Variants in ZFAND3 observed in about 807,000 individuals in gnomAD.
ZFAND3 encodes AN1-type zinc finger protein 3.
ZFAND3 carries 10 observed loss-of-function variants against 29.6 expected under a neutral mutation model. That is an observed-to-expected ratio of 0.34 (90% CI 0.21 to 0.57). The LOEUF (loss-of-function observed/expected upper bound fraction) is 0.57. Among genes scored for constraint, ZFAND3 ranks in the 20% least tolerant of loss-of-function variants. The probability of loss-of-function intolerance (pLI) is 0.86; values close to 1 mark genes in which losing one functional copy is unlikely to be tolerated. For synonymous variants in ZFAND3, 128 were observed against 112.6 expected (o/e 1.14, Z -0.87); for missense variants, 230 against 304.5 (o/e 0.76, Z 1.82).
At chr6:37,828,940 A>G (rs963042442) in intron 1 of ZFAND3, among the ~76,000 whole-genome samples, 3 of 152,002 alleles carry the variant, frequency 2.0e-5, no homozygotes, top group Admixed American at 6.6e-5. Context: ...ATGAGCCACT[A>G]TGCCCGGCCT....
chr6:38,062,174 A>T (rs796747213), intron 3 of ZFAND3, among the ~76,000 whole-genome samples: 6 of 152,286 alleles, frequency 3.9e-5, no homozygotes, highest in African/African-American at 1.4e-4. Context: ...CCAGTAAGGG[A>T]TTCTAACCCT....
chr6:38,112,986 G>T (rs1258328240), intron 4 of ZFAND3, among the ~76,000 whole-genome samples: 1 of 152,090 alleles, frequency 6.6e-6, no homozygotes, highest in Non-Finnish European at 1.5e-5. Context: ...ACCTTCTTGG[G>T]CAATAGCTTG....
At chr6:37,858,589 C>G (rs943704861) in intron 1 of ZFAND3, among the ~76,000 whole-genome samples, 4 of 152,118 alleles carry the variant, frequency 2.6e-5, no homozygotes, top group Admixed American at 6.5e-5. Context: ...ACTGTTTCCA[C>G]CTATATGACT....
At chr6:37,873,425 T>C (rs1235288670) in intron 1 of ZFAND3, among the ~76,000 whole-genome samples, 1 of 152,234 alleles carries the variant, frequency 6.6e-6, no homozygotes, top group Non-Finnish European at 1.5e-5. Context: ...CTTGTTTGCT[T>C]GCTTGCTAGA....
intron 5 of ZFAND3, among the ~76,000 whole-genome samples, chr6:38,149,831 A>G (rs1477416094): frequency 6.6e-6 from 1 of 152,210 alleles, no homozygotes; most frequent in Admixed American, 6.5e-5. Flanking sequence ...AGCCAGCACC[A>G]TTCATCAGAA....
intron 1 of ZFAND3, among the ~76,000 whole-genome samples, chr6:37,844,046 C>T (rs1490072882): frequency 6.6e-6 from 1 of 151,918 alleles, no homozygotes; most frequent in African/African-American, 2.4e-5. Context: ...GCTTCCTGAG[C>T]AGCTGGGACC....
chr6:38,044,928 C>T (rs973185510), intron 2 of ZFAND3, among the ~76,000 whole-genome samples: 2 of 151,950 alleles, frequency 1.3e-5, no homozygotes, highest in East Asian at 3.8e-4. Flanking sequence ...GCCTCCAAAG[C>T]GTCTTCTGTT....
At chr6:38,005,260 C>T (rs774452178) in intron 2 of ZFAND3, among the ~76,000 whole-genome samples, 10 of 152,282 alleles carry the variant, frequency 6.6e-5, no homozygotes, top group Non-Finnish European at 1.2e-4. Flanking sequence ...TCTCACTCTG[C>T]AGATCTGTCG....
At chr6:38,147,580 T>TTCC (rs1002963358) in intron 5 of ZFAND3, among the ~76,000 whole-genome samples, 72 of 152,326 alleles carry the variant, frequency 4.7e-4, no homozygotes, top group African/African-American at 1.6e-3. Flanking sequence ...TATAGTGGCT[T>TTCC]TCCTAGTTGA....
intron 2 of ZFAND3, among the ~76,000 whole-genome samples, chr6:37,955,684 G>A (rs1025757878): frequency 6.6e-6 from 1 of 152,210 alleles, no homozygotes; most frequent in Non-Finnish European, 1.5e-5. Flanking sequence ...TGTACTCCAA[G>A]GAATCAGTGT....
At chr6:37,928,400 C>G (rs898628832) in intron 1 of ZFAND3, among the ~76,000 whole-genome samples, 17 of 152,156 alleles carry the variant, frequency 1.1e-4, no homozygotes, top group Non-Finnish European at 1.5e-5. Context: ...GTCAGCTTGC[C>G]TAACGTAGAG....
At chr6:37,867,834 A>G (rs1764616185) in intron 1 of ZFAND3, among the ~76,000 whole-genome samples, 1 of 152,218 alleles carries the variant, frequency 6.6e-6, no homozygotes, top group East Asian at 1.9e-4. Context: ...AGTGTACTAT[A>G]GTGAAAAAGT....
chr6:37,947,803 A>G lies in ZFAND3; in HGVS notation c.112+17804A>G, dbSNP rs144750533. On this transcript the variant is annotated intron_variant, in intron 2 of 5. Transcript: ENST00000287218. ...ATACCACCCTCTCCTATTCCCCCCA[A>G]CATATTTGTAGTGAAGTTTTGGTTA... Among the ~76,000 whole-genome samples the G allele has an allele frequency of 5.9e-3, 900 of 152,122 alleles. 5 individuals carry two copies. The highest frequency in any genetic ancestry group is 8.0e-3 in the Non-Finnish European group (547 of 67,974).
At chr6:37,980,452 C>T (rs1172750535) in intron 2 of ZFAND3, among the ~76,000 whole-genome samples, 2 of 152,126 alleles carry the variant, frequency 1.3e-5, no homozygotes, top group African/African-American at 4.8e-5. Context: ...AATTTGTTTT[C>T]CTGGTAACCA....
At chr6:37,852,717 C>CTT (rs957782122) in intron 1 of ZFAND3, among the ~76,000 whole-genome samples, 9 of 138,260 alleles carry the variant, frequency 6.5e-5, no homozygotes, top group African/African-American at 1.8e-4. Context: ...TTTTTCTTTT[C>CTT]TTTTTTTTTT....
chr6:37,979,371 G>A (rs1762542448), intron 2 of ZFAND3, among the ~76,000 whole-genome samples: 2 of 152,162 alleles, frequency 1.3e-5, no homozygotes, highest in Non-Finnish European at 2.9e-5. Context: ...CAGATACTGT[G>A]AGATTTACTT....
intron 2 of ZFAND3, 145 bp from the exon 3 acceptor site, chr6:38,061,447 TG>T: frequency 1.0e-6 from 1 of 954,756 alleles, no homozygotes; most frequent in Middle Eastern, 2.6e-4. Context: ...TTTTGACCAG[TG>T]TTTTACTCCC....
At chr6:38,075,164 T>C (rs12204352) in intron 3 of ZFAND3, among the ~76,000 whole-genome samples, 43,230 of 152,088 alleles carry the variant, frequency 0.28, 7,100 homozygotes, top group Non-Finnish European at 0.38. Context: ...GTCATAATTA[T>C]TTAAGAACTA....
rs113626194 is a variant in ZFAND3 at position 37,881,852 on chromosome 6, T to TA, written c.72-48096dup. Among the ~76,000 whole-genome samples the TA allele has an allele frequency of 4.5e-3, 646 of 144,948 alleles. 3 individuals carry two copies. Among genetic ancestry groups the TA allele is most frequent in the East Asian group, 5.8e-3 (29 of 5,024 alleles). On this transcript the variant is annotated intron_variant, in intron 1 of 5. Transcript: ENST00000287218. ...TATTTAGAATTTCAACAATTTTAGT[T>TA]AAAAAAAAAAACATTCCTTTGGATG... is the stretch of plus-strand genomic sequence containing the variant.
Sources: allele counts gnomAD v4.1 joint callset (sites outside exome capture counted in the v4.1 genomes callset), GRCh38; gene constraint gnomAD v4.1.1; transcripts MANE v1.5; gene names NCBI Gene and HGNC (gene_info 2026-07-23, HGNC 2026-07-21).